USP54: variants seen among roughly 807,000 people sequenced by gnomAD.
USP54 encodes ubiquitin carboxyl-terminal hydrolase 54.
Under a neutral mutation model 170.5 loss-of-function variants are expected in USP54, and 87 were observed. That is an observed-to-expected ratio of 0.51 (90% CI 0.43 to 0.61). The LOEUF is 0.61. Ranked by LOEUF, USP54 falls within the 20% of genes least tolerant of loss-of-function variation. USP54 has a pLI of 0.00. For synonymous variants in USP54, 655 were observed against 742.8 expected, an observed-to-expected ratio of 0.88 and a Z score of 1.92; for missense variants, 1,786 against 2,047.8, an observed-to-expected ratio of 0.87 and a Z score of 2.47.
intron 11 of USP54, among the ~76,000 whole-genome samples, chr10:73,535,164 A>G (rs2064973492): frequency 6.6e-6 from 1 of 152,338 alleles, no homozygotes; most frequent in South Asian, 2.1e-4. Context: ...TCTTTCTCCT[A>G]TACTGCCAAG....
intron 3 of USP54, among the ~76,000 whole-genome samples, chr10:73,574,806 T>G (rs1314371309): frequency 6.8e-6 from 1 of 146,300 alleles, no homozygotes; most frequent in African/African-American, 2.6e-5. Flanking sequence ...CTGCAGGAGC[T>G]GTGATTGGGC....
At chr10:73,611,071 T>TA (rs1228446933) in intron 1 of USP54, among the ~76,000 whole-genome samples, 1 of 152,206 alleles carries the variant, frequency 6.6e-6, no homozygotes, top group Non-Finnish European at 1.5e-5. Flanking sequence ...GTGAGTTTTT[T>TA]AAAAAACATT....
intron 17 of USP54, among the ~76,000 whole-genome samples, chr10:73,521,790 C>T (rs2133325703): frequency 1.3e-5 from 2 of 152,316 alleles, no homozygotes; most frequent in East Asian, 3.9e-4. Flanking sequence ...GGGAATATTC[C>T]ATCCTCCTCT....
intron 9 of USP54, 66 bp from the exon 10 acceptor site, chr10:73,539,659 A>G (rs1305336526): frequency 4.1e-6 from 6 of 1,456,140 alleles, no homozygotes; most frequent in African/African-American, 2.8e-5. Context: ...ATCTCTCAGC[A>G]GACTCCACCA....
intron 4 of USP54, among the ~76,000 whole-genome samples, chr10:73,570,107 A>C (rs1453094755): frequency 6.6e-6 from 1 of 152,020 alleles, no homozygotes; most frequent in African/African-American, 2.4e-5. Flanking sequence ...TCCCTGTAAC[A>C]AACCAAGAAT....
intron 1 of USP54, among the ~76,000 whole-genome samples, chr10:73,618,693 G>A (rs111765635): frequency 0.036 from 5,309 of 145,528 alleles, 181 homozygotes; most frequent in South Asian, 0.12. Context: ...AGTGAGCTGC[G>A]ATTGCGCCAC....
intron 4 of USP54, among the ~76,000 whole-genome samples, chr10:73,560,278 T>C (rs542963776): frequency 6.6e-6 from 1 of 152,154 alleles, no homozygotes; most frequent in East Asian, 1.9e-4. Flanking sequence ...TTTCAGCAGG[T>C]CTTTTCCATC....
chr10:73,578,400 G>GGTTTTGTTTT (rs530651497), intron 1 of USP54, among the ~76,000 whole-genome samples: 1 of 151,894 alleles, frequency 6.6e-6, no homozygotes, highest in South Asian at 2.1e-4. Context: ...TTGTTTTTTG[G>GGTTTTGTTTT]GTTTTGTTTT....
rs765172475 is a variant in USP54, at chr10:73,530,387, T to C, written c.1584A>G (p.Val528=). ...NRPSLASQTN[V]GSHCRGRGGD... ...CTCCTCTGCCCCTGCAGTGAGAGCC[T>C]ACATTGGTCTGAGAAGCCAGGGATG... The change falls in exon 14 of 24, where the codon GTA becomes GTG. Residue 528 remains valine, a synonymous_variant. Coordinates refer to ENST00000687698, the MANE Select transcript of USP54 (RefSeq NM_001391956.1). 5.0e-6 allele frequency: 8 copies of C among 1,614,192 alleles called. No individual in the cohort carries two copies. Among genetic ancestry groups the C allele is most frequent in the Middle Eastern group, 1.7e-4 (1 of 6,056 alleles).
Position 73,539,531 on chromosome 10 carries a change from G to A in USP54, c.888C>T (p.Ile296=). Residue 296 remains isoleucine (I), a synonymous_variant, in exon 10 of 24, where the codon ATC becomes ATT. Coordinates refer to ENST00000687698, the MANE Select transcript of USP54 (RefSeq NM_001391956.1). ...TAGAATAATGTTTGCCATAGTAACA[G>A]ATCATTCCAACTAAGTACAGTTCAG... ...KQSELYLVGM[I]CYYGKHYSTF... is the part of the protein sequence containing the mutation. The A allele has an allele frequency of 6.2e-7, 1 of 1,612,080 alleles. No homozygotes were observed. Among genetic ancestry groups the A allele is most frequent in the Non-Finnish European group, 8.5e-7 (1 of 1,178,732 alleles).
chr10:73,551,292 C>G, intron 4 of USP54, among the ~76,000 whole-genome samples: 1 of 152,074 alleles, frequency 6.6e-6, no homozygotes, highest in Admixed American at 6.5e-5. Flanking sequence ...ATTTAATAAG[C>G]TGTGAGGGAA....
intron 5 of USP54, among the ~76,000 whole-genome samples, chr10:73,545,216 C>T (rs2133553334): frequency 6.6e-6 from 1 of 152,234 alleles, no homozygotes; most frequent in East Asian, 1.9e-4. Context: ...CTGTTAGATA[C>T]AGATATTCCG....
At chr10:73,558,819 T>G (rs2071953649) in intron 4 of USP54, among the ~76,000 whole-genome samples, 1 of 152,158 alleles carries the variant, frequency 6.6e-6, no homozygotes, top group Non-Finnish European at 1.5e-5. Context: ...CCCAAAAACT[T>G]AACTACTAAT....
At position 73,541,448 on chromosome 10, in the gene USP54, A is replaced by C; in HGVS notation, c.752T>G (p.Val251Gly). The C allele has an allele frequency of 6.2e-7, 1 of 1,614,174 alleles. No homozygotes were observed. The highest frequency in any genetic ancestry group is 1.1e-5 in the South Asian group (1 of 91,084). The change falls in exon 9 of 24, where the codon GTA (valine) becomes GGA (glycine). Residue 251 changes from valine (V) to glycine (G), a missense_variant. Val to Gly is a moderately radical substitution (Grantham distance 109). This residue lies in a region of USP54 where 361 missense variants were observed against 455.0 expected (regional missense o/e 0.79). Coordinates refer to ENST00000687698, the MANE Select transcript of USP54 (RefSeq NM_001391956.1). The part of the protein sequence containing the change: ...NAPQIITIGL[V>G]WDSDHSDLAE... ...TAAGTCTGAGTGGTCTGAGTCCCAT[A>C]CCAGCCCAATCGTGATAATCTGTGG...
Position 73,518,481 on chromosome 10 carries a change from C to T in USP54, c.2679-734G>A, listed in dbSNP as rs560304806. Among the ~76,000 whole-genome samples, 11 of 152,224 alleles carry T rather than the reference C, an allele frequency of 7.2e-5. No homozygotes were observed. In the East Asian group the frequency reaches 2.1e-3, roughly 29 times the overall value. Reference sequence around the variant, plus strand: ...GGACTTAAATAAAGCCTCGATCACTCACATACATCAGGATGTATACGTTTT... The same window carrying T: ...GGACTTAAATAAAGCCTCGATCACTTACATACATCAGGATGTATACGTTTT... On this transcript the variant is annotated intron_variant, in intron 19 of 23. Transcript: ENST00000687698.
chr10:73,537,028 G>A (rs1258857399), intron 10 of USP54, among the ~76,000 whole-genome samples: 1 of 152,160 alleles, frequency 6.6e-6, no homozygotes, highest in Non-Finnish European at 1.5e-5. Context: ...TTACCATAGT[G>A]GAAAAGAGAG....
intron 12 of USP54, among the ~76,000 whole-genome samples, chr10:73,533,609 C>A (rs1342979812): frequency 8.6e-5 from 13 of 151,398 alleles, no homozygotes; most frequent in African/African-American, 3.2e-4. Context: ...AATGAGCTCA[C>A]AAATTCTCAC....
chr10:73,624,652 T>C (rs2081381439), intron 1 of USP54: 1 of 152,124 alleles, frequency 6.6e-6, no homozygotes, highest in Admixed American at 6.5e-5. Flanking sequence ...TCGATTGAAA[T>C]AAATTATTTT....
intron 1 of USP54, 145 bp from the exon 2 acceptor site, chr10:73,576,506 G>GAAAAAAA (rs112010968): frequency 1.3e-5 from 1 of 74,882 alleles, no homozygotes; most frequent in East Asian, 3.3e-4. Flanking sequence ...AAGAAAAAAA[G>GAAAAAAA]AAAAAAAAAA....
Sources: gnomAD v4.1 joint callset for allele counts (sites outside exome capture counted in the v4.1 genomes callset) on GRCh38, gnomAD v4.1.1 for gene constraint, gnomAD v4.1.1 regional missense constraint, MANE v1.5 for transcripts, NCBI Gene and HGNC (gene_info 2026-07-23, HGNC 2026-07-21) for gene names.